The following TMEM259 variants were observed in gnomAD, a reference collection of about 807,000 sequenced individuals.
TMEM259 encodes membralin.
A neutral mutation model predicts 46.7 loss-of-function variants in TMEM259; 26 were observed. That is an observed-to-expected ratio of 0.56 (90% CI 0.41 to 0.77). The LOEUF is 0.77. TMEM259 is among the 30% of genes least tolerant of loss of function. The probability of loss-of-function intolerance (pLI) is 0.00; values close to 1 mark genes in which losing one functional copy is unlikely to be tolerated. For synonymous variants in TMEM259, 494 were observed against 395.1 expected (o/e 1.25, Z -2.97); for missense variants, 930 against 900.5 (o/e 1.03, Z -0.42).
At position 1,010,132 on chromosome 19, in the gene TMEM259, A is replaced by C; in HGVS notation, c.*218T>G. ...GGAACCCCACCCCCTCTCCTTGCTG[A>C]CCAGCTCAAACACCTCACTAGCGGG... On this transcript the variant is annotated 3_prime_UTR_variant, in exon 11 of 11. Transcript: ENST00000356663. 1 of 516,570 alleles carries C rather than the reference A, an allele frequency of 1.9e-6. No individual in the cohort carries two copies. The highest frequency in any genetic ancestry group is 3.3e-6 in the Non-Finnish European group (1 of 299,242). The allele number at this position is 516,570 out of a possible 1,614,324, so 32.0% of individuals were successfully genotyped here.
At chr19:1,015,380 G>A (rs1206009687) in intron 1 of TMEM259, among the ~76,000 whole-genome samples, 2 of 152,170 alleles carry the variant, frequency 1.3e-5, no homozygotes, top group Non-Finnish European at 2.9e-5. Flanking sequence ...TGCCCAGGAC[G>A]GCCCCACCCC....
At position 1,020,684 on chromosome 19, in the gene TMEM259, C is replaced by A; in HGVS notation, c.225+88G>T. 1.0e-6 allele frequency: 1 copy of A among 1,002,498 alleles called. No homozygotes were observed. The highest frequency in any genetic ancestry group is 3.3e-5 in the East Asian group (1 of 30,518). 62.1% of individuals were successfully genotyped at this position (1,002,498 alleles called of 1,614,324 possible). On this transcript the variant is annotated intron_variant, in intron 1 of 10. Coordinates refer to ENST00000356663, the MANE Select transcript of TMEM259 (RefSeq NM_001033026.2). The surrounding 1 kb of genome is among the most constrained non-coding windows in gnomAD (Gnocchi z 4.0). ...GCAGGGTGGCGCTCGCTGTCCCCAG[C>A]GGGGCCAGGGGTCGCGGTCGGAGGT...
chr19:1,016,261 A>G (rs1275356613), intron 1 of TMEM259, among the ~76,000 whole-genome samples: 2 of 152,138 alleles, frequency 1.3e-5, no homozygotes, highest in African/African-American at 2.4e-5. Context: ...CCTGGGGAAG[A>G]CAGGGAGGGC....
chr19:1,019,529 C>G (rs2039218689), intron 1 of TMEM259, among the ~76,000 whole-genome samples: 1 of 152,182 alleles, frequency 6.6e-6, no homozygotes, highest in Admixed American at 6.5e-5. Flanking sequence ...GGATGATGGG[C>G]TGAGCTCTGG....
At position 1,020,825 on chromosome 19, in the gene TMEM259, G is replaced by T. The variant is rs1356209439; in HGVS notation, c.172C>A (p.Arg58=). Residue 58 remains arginine, a synonymous_variant, in exon 1 of 11, where the codon CGG becomes AGG. Transcript: ENST00000356663. This position sits in a 1 kb window ranked among gnomAD's most constrained non-coding sequence, Gnocchi z 4.0. The stretch of plus-strand genomic sequence containing the variant: ...CGGCGGAAGGCGGGCGGGAAGAGCC[G>T]CGAATAGGTGACAGCCATCTTGAAG... ...LFFKMAVTYS[R]LFPPAFRRLF... 7.3e-7 allele frequency: 1 copy of T among 1,374,846 alleles called. No individual in the cohort carries two copies. Among genetic ancestry groups the T allele is most frequent in the Non-Finnish European group, 9.4e-7 (1 of 1,058,938 alleles). The allele number at this position is 1,374,846 out of a possible 1,614,324, so 85.2% of individuals were successfully genotyped here.
intron 8 of TMEM259, 40 bp from the exon 9 acceptor site, chr19:1,011,539 G>C: frequency 1.3e-6 from 2 of 1,543,230 alleles, no homozygotes; most frequent in Non-Finnish European, 1.7e-6. Context: ...GGGCGGGGCG[G>C]GGTGCAGCGC....
chr19:1,019,644 C>A (rs2039222559), intron 1 of TMEM259, among the ~76,000 whole-genome samples: 1 of 152,218 alleles, frequency 6.6e-6, no homozygotes, highest in Admixed American at 6.5e-5. Flanking sequence ...GCTCCACTTG[C>A]CGAGCCCAAA....
At chr19:1,019,295 C>A (rs1400319956) in intron 1 of TMEM259, among the ~76,000 whole-genome samples, 1 of 152,196 alleles carries the variant, frequency 6.6e-6, no homozygotes, top group Non-Finnish European at 1.5e-5. Flanking sequence ...CCAGCACACA[C>A]CCTCCACAAG....
chr19:1,015,915 G>A (rs113102570), intron 1 of TMEM259, among the ~76,000 whole-genome samples: 7,354 of 152,228 alleles, frequency 0.048, 294 homozygotes, highest in African/African-American at 0.12. Context: ...CTTCCAGCCC[G>A]GCCGCAGTGC....
At chr19:1,017,800 A>T (rs2039160175) in intron 1 of TMEM259, among the ~76,000 whole-genome samples, 1 of 151,562 alleles carries the variant, frequency 6.6e-6, no homozygotes. Context: ...GCGGAGCCAC[A>T]CTCTCCTCCC....
In TMEM259 at chr19:1,020,974, GCGGGCTCCA is replaced by G. The variant is rs2039276878; in HGVS notation, c.14_22del (p.Val5_Pro7del). 1 of 1,297,380 alleles carries G rather than the reference GCGGGCTCCA, an allele frequency of 7.7e-7. No homozygotes were observed. Among genetic ancestry groups the G allele is most frequent in the African/African-American group, 1.6e-5 (1 of 64,232 alleles). The allele number at this position is 1,297,380 out of a possible 1,614,324, so 80.4% of individuals were successfully genotyped here. On this transcript the variant is annotated inframe_deletion, in exon 1 of 11. Transcript: ENST00000356663. The surrounding 1 kb of genome is among the most constrained non-coding windows in gnomAD (Gnocchi z 4.0). ...GCCGTTGGGCCCGGGCCCCGGAGCT[GCGGGCTCCA>G]CGTGCTCCGACATGCCTCCCAGCGT...
At position 1,010,439 on chromosome 19, in the gene TMEM259, A is replaced by C; in HGVS notation, c.1774T>G (p.Ser592Ala). 6.5e-7 allele frequency: 1 copy of C among 1,533,512 alleles called. No individual in the cohort carries two copies. The highest frequency in any genetic ancestry group is 8.8e-7 in the Non-Finnish European group (1 of 1,141,190). 95.0% of individuals were successfully genotyped at this position (1,533,512 alleles called of 1,614,324 possible). Reference protein sequence around the residue: ...DSVPPSDSAASDTTPLGAAVG... With the variant: ...DSVPPSDSAAADTTPLGAAVG... ...GCAGCCCCCAGGGGAGTTGTGTCAG[A>C]AGCTGCGGAGTCACTCGGGGGGACA... is the stretch of plus-strand genomic sequence containing the variant. Residue 592 changes from serine to alanine, a missense_variant, in exon 11 of 11, where the codon TCT becomes GCT. Coordinates refer to ENST00000356663, the MANE Select transcript of TMEM259 (RefSeq NM_001033026.2).
At chr19:1,015,120 G>A (rs1357361350) in intron 1 of TMEM259, among the ~76,000 whole-genome samples, 1 of 152,220 alleles carries the variant, frequency 6.6e-6, no homozygotes, top group Non-Finnish European at 1.5e-5. Context: ...GGCGCCCTGT[G>A]CAACCCTCCC....
intron 2 of TMEM259, 95 bp downstream of exon 2, chr19:1,014,097 C>T (rs2039027883): frequency 1.4e-6 from 2 of 1,465,372 alleles, no homozygotes; most frequent in Non-Finnish European, 1.8e-6. Context: ...AAGTCAAGAA[C>T]CCCAACATCC....
Position 1,011,756 on chromosome 19 carries a change from T to C in TMEM259, c.985A>G (p.Ile329Val). The C allele has an allele frequency of 6.4e-7, 1 of 1,555,102 alleles. No individual in the cohort carries two copies. The highest frequency in any genetic ancestry group is 8.7e-7 in the Non-Finnish European group (1 of 1,149,140). The stretch of plus-strand genomic sequence containing the variant: ...GGACACTCACCGATGAAGACGAAGA[T>C]CTGGTGGTGTGAGTACCGCAGCAGC... ...SMLLRYSHHQ[I>V]FVFIVDLLQM... Residue 329 changes from isoleucine (I) to valine (V), a missense_variant, in exon 7 of 11, where the codon ATC becomes GTC. Physicochemically the swap from Ile to Val is conservative, Grantham distance 29 (BLOSUM62 3). Transcript: ENST00000356663.
At chr19:1,013,777 G>A (rs2145583749) in intron 2 of TMEM259, 1 of 282,888 alleles carries the variant, frequency 3.5e-6, no homozygotes, top group South Asian at 5.0e-5. Flanking sequence ...AAGCTGACCG[G>A]GAACCCAGCA....
At chr19:1,018,736 A>G (rs1226123620) in intron 1 of TMEM259, among the ~76,000 whole-genome samples, 1 of 152,208 alleles carries the variant, frequency 6.6e-6, no homozygotes, top group Non-Finnish European at 1.5e-5. Context: ...CTGTAATCCC[A>G]GCCTTTTGGG....
intron 1 of TMEM259, chr19:1,017,361 C>G (rs2214539): frequency 2.5e-6 from 1 of 399,496 alleles, no homozygotes; most frequent in Non-Finnish European, 4.4e-6. Flanking sequence ...GGTCCAGTCC[C>G]CTACACTCCA....
chr19:1,012,380 C>G (rs2240162), intron 4 of TMEM259, 83 bp downstream of exon 4: 873,142 of 1,515,272 alleles, frequency 0.58, 254,407 homozygotes, highest in African/African-American at 0.69. Flanking sequence ...CACAGCCCCC[C>G]GTCCCGCACC....
Sources: gnomAD v4.1 joint callset for allele counts (sites outside exome capture counted in the v4.1 genomes callset) on GRCh38, gnomAD v4.1.1 for gene constraint, Gnocchi (gnomAD v3.1) non-coding constraint, MANE v1.5 for transcripts, NCBI Gene and HGNC (gene_info 2026-07-23, HGNC 2026-07-21) for gene names.